Variants in GPM6A observed in about 807,000 individuals in gnomAD.
The protein encoded by GPM6A is neuronal membrane glycoprotein M6-a.
Under a neutral mutation model 32.1 loss-of-function variants are expected in GPM6A, and 7 were observed. The observed-to-expected ratio is 0.22, with a 90% CI of 0.12 to 0.41. GPM6A has a LOEUF of 0.41. GPM6A is among the 10% of genes least tolerant of loss of function. The pLI is 1.00. For synonymous variants in GPM6A, 130 were observed against 123.4 expected (o/e 1.05, Z -0.35); for missense variants, 235 against 347.2 (o/e 0.68, Z 2.57).
intron 3 of GPM6A, chr4:175,654,226 G>T (rs542736384): frequency 1.8e-4 from 27 of 152,242 alleles, no homozygotes; most frequent in African/African-American, 6.5e-4. Context: ...CACTTACTGT[G>T]ATCCTAAACT....
chr4:176,002,171 C>A lies in GPM6A; in HGVS notation c.-23+138G>T, dbSNP rs775166726. 9.5e-5 allele frequency: 81 copies of A among 853,624 alleles called. 5 individuals carry two copies. The highest frequency in any genetic ancestry group is 1.1e-4 in the Non-Finnish European group (57 of 537,714). The allele number at this position is 853,624 out of a possible 1,614,324, so 52.9% of individuals were successfully genotyped here. On this transcript the variant is annotated intron_variant, in intron 1 of 7. Coordinates refer to the GPM6A transcript ENST00000280187. ...AGTCCGGAGACAAGAGGGCGGGGGG[C>A]GGGGGACGCCAGGCGCGGGGGGAAC...
chr4:175,750,718 A>G (rs1438775052), intron 1 of GPM6A, among the ~76,000 whole-genome samples: 1 of 151,978 alleles, frequency 6.6e-6, no homozygotes, highest in Non-Finnish European at 1.5e-5. Context: ...GATTATAGGC[A>G]TGTGCTACCA....
chr4:175,821,440 G>A (rs1296326730), intron 1 of GPM6A, among the ~76,000 whole-genome samples: 1 of 151,904 alleles, frequency 6.6e-6, no homozygotes, highest in East Asian at 1.9e-4. Context: ...GTTAATCTTG[G>A]TTTTTGGTCA....
intron 1 of GPM6A, among the ~76,000 whole-genome samples, chr4:175,949,068 C>A (rs1398189920): frequency 2.0e-5 from 3 of 151,072 alleles, no homozygotes; most frequent in Non-Finnish European, 4.4e-5. Context: ...TTCCATGCAA[C>A]TAAGAAATCA....
At chr4:175,967,942 G>GA (rs956399240) in intron 1 of GPM6A, among the ~76,000 whole-genome samples, 1 of 152,044 alleles carries the variant, frequency 6.6e-6, no homozygotes, top group Non-Finnish European at 1.5e-5. Flanking sequence ...GAAAGAAACA[G>GA]AAAAAATACA....
chr4:175,696,552 TG>T (rs768727784), intron 2 of GPM6A, among the ~76,000 whole-genome samples: 11 of 152,234 alleles, frequency 7.2e-5, no homozygotes, highest in Admixed American at 2.0e-4. Context: ...GAATTCAGTA[TG>T]GTTTTCTAAC....
intron 1 of GPM6A, among the ~76,000 whole-genome samples, chr4:175,798,893 G>A (rs1239896688): frequency 1.3e-5 from 2 of 152,042 alleles, no homozygotes; most frequent in Admixed American, 6.5e-5. Context: ...TTTTTATATT[G>A]CACCAAAAGA....
intron 1 of GPM6A, among the ~76,000 whole-genome samples, chr4:175,927,868 G>C (rs1333958881): frequency 6.6e-6 from 1 of 152,082 alleles, no homozygotes; most frequent in Non-Finnish European, 1.5e-5. Context: ...CTGGACCATA[G>C]AGCAAGACTC....
intron 1 of GPM6A, among the ~76,000 whole-genome samples, chr4:175,990,965 T>C (rs1741118657): frequency 6.6e-6 from 1 of 152,144 alleles, no homozygotes; most frequent in Non-Finnish European, 1.5e-5. Flanking sequence ...CTTGTATTAA[T>C]AGTTGCTCTG....
chr4:175,995,376 TAAAAAAAAAAAAA>T (rs10541049), intron 1 of GPM6A, among the ~76,000 whole-genome samples: 1 of 96,304 alleles, frequency 1.0e-5, no homozygotes, highest in East Asian at 3.3e-4. Flanking sequence ...TTTCAATTTG[TAAAAAAAAAAAAA>T]AAAAAAAAAA....
At chr4:175,740,548 C>T (rs1296925381) in intron 1 of GPM6A, among the ~76,000 whole-genome samples, 1 of 151,918 alleles carries the variant, frequency 6.6e-6, no homozygotes, top group African/African-American at 2.4e-5. Context: ...TGCCTCCCAA[C>T]AGAAAGAAAA....
At chr4:175,964,169 A>G (rs1740259975) in intron 1 of GPM6A, among the ~76,000 whole-genome samples, 1 of 152,092 alleles carries the variant, frequency 6.6e-6, no homozygotes, top group Non-Finnish European at 1.5e-5. Flanking sequence ...AGTAACAAAC[A>G]TGATAGATAA....
At chr4:175,835,627 GTA>G (rs35980764) in intron 1 of GPM6A, among the ~76,000 whole-genome samples, 1,557 of 138,512 alleles carry the variant, frequency 0.011, 11 homozygotes, top group African/African-American at 0.02. Context: ...GTGAGTGTGT[GTA>G]TATATATATA....
intron 2 of GPM6A, among the ~76,000 whole-genome samples, chr4:175,686,444 G>A (rs1211947566): frequency 1.3e-5 from 2 of 152,192 alleles, no homozygotes; most frequent in African/African-American, 2.4e-5. Context: ...GCATTATTCA[G>A]GTGGGGCCTC....
chr4:175,874,854 G>A (rs1737032418), intron 1 of GPM6A, among the ~76,000 whole-genome samples: 1 of 152,096 alleles, frequency 6.6e-6, no homozygotes, highest in South Asian at 2.1e-4. Context: ...CAAGGCCGTG[G>A]CCATCTGCAG....
chr4:175,661,007 T>C (rs1016814078), intron 3 of GPM6A, among the ~76,000 whole-genome samples: 2 of 152,178 alleles, frequency 1.3e-5, no homozygotes, highest in Admixed American at 6.6e-5. Flanking sequence ...AATTAAGATA[T>C]CAGATTTACA....
intron 1 of GPM6A, among the ~76,000 whole-genome samples, chr4:175,766,390 T>C (rs1732968106): frequency 6.6e-6 from 1 of 152,166 alleles, no homozygotes; most frequent in Admixed American, 6.6e-5. Flanking sequence ...AAAATAAGCC[T>C]TTATCTGGAG....
chr4:175,642,242 C>T (rs1377198218), intron 4 of GPM6A, among the ~76,000 whole-genome samples: 1 of 152,110 alleles, frequency 6.6e-6, no homozygotes, highest in Non-Finnish European at 1.5e-5. Context: ...AGATTTCCTC[C>T]CTAAAAAATC....
chr4:175,958,735 C>T (rs570465071), intron 1 of GPM6A, among the ~76,000 whole-genome samples: 13 of 152,192 alleles, frequency 8.5e-5, no homozygotes, highest in Non-Finnish European at 1.2e-4. Context: ...GTGTTATCTA[C>T]ATTGCCACAG....
Sources: gnomAD v4.1 joint callset for allele counts (sites outside exome capture counted in the v4.1 genomes callset) on GRCh38, gnomAD v4.1.1 for gene constraint, MANE v1.5 for transcripts, NCBI Gene and HGNC (gene_info 2026-07-23, HGNC 2026-07-21) for gene names.